CHCHD3: variants seen among roughly 807,000 people sequenced by gnomAD.
CHCHD3 encodes the protein coiled-coil-helix-coiled-coil-helix domain containing 3.
CHCHD3 carries 20 observed loss-of-function variants against 38.2 expected under a neutral mutation model. That is an observed-to-expected ratio of 0.52 (90% CI 0.37 to 0.76). CHCHD3 has a LOEUF of 0.76. Among genes scored for constraint, CHCHD3 ranks in the 30% least tolerant of loss-of-function variants. The probability of loss-of-function intolerance (pLI) is 0.00; values close to 1 mark genes in which losing one functional copy is unlikely to be tolerated. For synonymous variants in CHCHD3, 82 were observed against 100.0 expected (o/e 0.82, Z 1.07); for missense variants, 245 against 279.2 (o/e 0.88, Z 0.87).
chr7:133,047,034 AAT>A (rs1231256742), intron 2 of CHCHD3, among the ~76,000 whole-genome samples: 1 of 152,192 alleles, frequency 6.6e-6, no homozygotes, highest in East Asian at 1.9e-4. Context: ...TAAATCACTT[AAT>A]CTCTCATAGC....
chr7:132,971,584 C>T (rs1057070311), intron 4 of CHCHD3, among the ~76,000 whole-genome samples: 2 of 152,030 alleles, frequency 1.3e-5, no homozygotes, highest in Non-Finnish European at 2.9e-5. Flanking sequence ...TCTAAGGAGA[C>T]AGAAACCTAA....
At position 132,923,672 on chromosome 7, in the gene CHCHD3, TA is replaced by T. The variant is rs367992040; in HGVS notation, c.370-37928del. 3.8e-3 allele frequency among the ~76,000 whole-genome samples: 573 copies of T among 152,226 alleles called. 5 individuals carry two copies. The highest frequency in any genetic ancestry group is 0.013 in the African/African-American group (532 of 41,538). ...TACAACAAATCAGAACCCAAGTTCT[TA>T]ATCCAAATAAACATATTTTTTCAAA... On this transcript the variant is annotated intron_variant, in intron 4 of 7. Coordinates refer to ENST00000262570, the MANE Select transcript of CHCHD3 (RefSeq NM_017812.4).
At chr7:132,966,462 GATACAGAAAAGGA>G (rs1334714703) in intron 4 of CHCHD3, among the ~76,000 whole-genome samples, 12 of 152,278 alleles carry the variant, frequency 7.9e-5, no homozygotes, top group Admixed American at 2.6e-4. Flanking sequence ...TAAAAGCACG[GATACAGAAAAGGA>G]ATACAGAGCT....
intron 5 of CHCHD3, among the ~76,000 whole-genome samples, chr7:132,874,228 G>A (rs1808840052): frequency 6.6e-6 from 1 of 152,176 alleles, no homozygotes; most frequent in South Asian, 2.1e-4. Context: ...TGGTGATCAT[G>A]CCATTCTCTC....
intron 6 of CHCHD3, among the ~76,000 whole-genome samples, chr7:132,827,508 T>C (rs1795934981): frequency 6.6e-6 from 1 of 152,232 alleles, no homozygotes; most frequent in African/African-American, 2.4e-5. Context: ...CATGTTGGCA[T>C]GCAAAAAGTT....
intron 6 of CHCHD3, among the ~76,000 whole-genome samples, chr7:132,829,115 T>G (rs890698202): frequency 6.6e-6 from 1 of 152,198 alleles, no homozygotes; most frequent in Non-Finnish European, 1.5e-5. Flanking sequence ...ACTGAAGCCC[T>G]TAACAAGTAA....
intron 4 of CHCHD3, among the ~76,000 whole-genome samples, chr7:132,915,391 T>C (rs1810077889): frequency 1.3e-5 from 2 of 152,144 alleles, no homozygotes; most frequent in African/African-American, 2.4e-5. Context: ...GGAGGGCAGA[T>C]GAGGATGATT....
chr7:133,015,178 T>C (rs1584644389), intron 3 of CHCHD3, among the ~76,000 whole-genome samples: 1 of 151,686 alleles, frequency 6.6e-6, no homozygotes, highest in Non-Finnish European at 1.5e-5. Flanking sequence ...CCTGTCTCTA[T>C]TAAAAATACA....
At chr7:133,030,012 GA>G (rs201845501) in intron 2 of CHCHD3, among the ~76,000 whole-genome samples, 9,935 of 136,116 alleles carry the variant, frequency 0.073, 742 homozygotes, top group East Asian at 0.22. Context: ...TCCAGAAAAG[GA>G]AAAAAAAAAA....
intron 6 of CHCHD3, among the ~76,000 whole-genome samples, chr7:132,824,137 A>G (rs1198703420): frequency 6.6e-6 from 1 of 152,206 alleles, no homozygotes; most frequent in Admixed American, 6.5e-5. Flanking sequence ...TTGGTGCAGT[A>G]AACTCTAATT....
chr7:133,055,622 G>A (rs961917238), intron 2 of CHCHD3, among the ~76,000 whole-genome samples: 24 of 147,092 alleles, frequency 1.6e-4, no homozygotes, highest in African/African-American at 4.7e-4. Context: ...ATTATAACAT[G>A]TGTTATACAT....
intron 5 of CHCHD3, among the ~76,000 whole-genome samples, chr7:132,861,921 T>C (rs1368761391): frequency 6.6e-6 from 1 of 152,182 alleles, no homozygotes; most frequent in African/African-American, 2.4e-5. Context: ...TAAGAAAATG[T>C]TAAACTGGAT....
At chr7:132,868,784 C>G (rs1808693440) in intron 5 of CHCHD3, among the ~76,000 whole-genome samples, 1 of 152,036 alleles carries the variant, frequency 6.6e-6, no homozygotes, top group South Asian at 2.1e-4. Context: ...ACCTTTTAAC[C>G]AGGACTATTC....
chr7:132,940,240 T>A (rs1224646834), intron 4 of CHCHD3, among the ~76,000 whole-genome samples: 1 of 152,174 alleles, frequency 6.6e-6, no homozygotes, highest in Non-Finnish European at 1.5e-5. Flanking sequence ...GCTACTTAAT[T>A]ACAGTTTCCA....
chr7:133,009,750 T>TA (rs1375089482), intron 3 of CHCHD3, among the ~76,000 whole-genome samples: 1 of 152,140 alleles, frequency 6.6e-6, no homozygotes, highest in African/African-American at 2.4e-5. Flanking sequence ...CTTAAAGACT[T>TA]ACACAACATA....
intron 3 of CHCHD3, among the ~76,000 whole-genome samples, chr7:133,005,429 A>T (rs1011770738): frequency 6.6e-6 from 1 of 152,208 alleles, no homozygotes; most frequent in Non-Finnish European, 1.5e-5. Context: ...TTATTTTCTC[A>T]GAATTAAGAT....
At chr7:132,873,489 C>T (rs558711071) in intron 5 of CHCHD3, among the ~76,000 whole-genome samples, 1 of 150,818 alleles carries the variant, frequency 6.6e-6, no homozygotes, top group Admixed American at 6.6e-5. Context: ...TCTCGGCTCC[C>T]TGCAACCTCT....
At chr7:133,037,175 A>C (rs1562945112) in intron 2 of CHCHD3, among the ~76,000 whole-genome samples, 1 of 152,220 alleles carries the variant, frequency 6.6e-6, no homozygotes, top group East Asian at 1.9e-4. Context: ...ATTGATGTTG[A>C]TCAAGCATTT....
At chr7:133,027,284 A>G (rs1213375759) in intron 2 of CHCHD3, among the ~76,000 whole-genome samples, 1 of 151,878 alleles carries the variant, frequency 6.6e-6, no homozygotes, top group Non-Finnish European at 1.5e-5. Context: ...ACAACTCTAT[A>G]AATATACTAT....
Sources: gnomAD v4.1 joint callset for allele counts (sites outside exome capture counted in the v4.1 genomes callset) on GRCh38, gnomAD v4.1.1 for gene constraint, MANE v1.5 for transcripts, NCBI Gene and HGNC (gene_info 2026-07-23, HGNC 2026-07-21) for gene names.